Variants in SEMA3D observed in about 807,000 individuals in gnomAD.
SEMA3D encodes the protein semaphorin-3D.
A neutral mutation model predicts 100.1 loss-of-function variants in SEMA3D; 84 were observed. That is an observed-to-expected ratio of 0.84 (90% CI 0.70 to 1.01). The LOEUF is 1.01. Ranked by LOEUF, SEMA3D falls within the 50% of genes least tolerant of loss-of-function variation. SEMA3D has a pLI of 0.00. For missense variants in SEMA3D, 875 were observed against 934.1 expected (o/e 0.94, Z 0.82); for synonymous variants, 312 against 320.7 (o/e 0.97, Z 0.29).
At chr7:85,248,763 C>A in the SEMA3D span, among the ~76,000 whole-genome samples, 1 of 151,816 alleles carries the variant, frequency 6.6e-6, no homozygotes, top group Admixed American at 6.6e-5. Context: ...AAATCATATT[C>A]TGGAAAGGGC....
intron 7 of SEMA3D, among the ~76,000 whole-genome samples, chr7:85,066,751 A>G (rs1284257539): frequency 2.0e-5 from 3 of 152,128 alleles, no homozygotes; most frequent in African/African-American, 7.2e-5. Context: ...ACATATCTTT[A>G]AAATTCTGCC....
chr7:85,170,465 G>A (rs1791054279), intron 1 of SEMA3D, among the ~76,000 whole-genome samples: 1 of 151,834 alleles, frequency 6.6e-6, no homozygotes, highest in African/African-American at 2.4e-5. Flanking sequence ...CAATGGGAAG[G>A]TTTGAATCTC....
At chr7:85,140,841 T>C in intron 2 of SEMA3D, 1 of 863,942 alleles carries the variant, frequency 1.2e-6, no homozygotes, top group Non-Finnish European at 1.4e-6. Context: ...GTTTTTCACA[T>C]TCTACCATTA....
At chr7:85,231,232 TTATCG>T in the SEMA3D span, among the ~76,000 whole-genome samples, 1 of 152,130 alleles carries the variant, frequency 6.6e-6, no homozygotes, top group African/African-American at 2.4e-5. Context: ...AGCGTCTACT[TTATCG>T]TACGTATCCA....
the SEMA3D span, among the ~76,000 whole-genome samples, chr7:85,206,246 C>T: frequency 0.67 from 101,865 of 151,992 alleles, 34,965 homozygotes; most frequent in East Asian, 0.92. Flanking sequence ...TTCCTTCTCC[C>T]TTCTATTCTC....
chr7:85,011,598 G>A (rs1268740095), intron 17 of SEMA3D, among the ~76,000 whole-genome samples: 1 of 151,502 alleles, frequency 6.6e-6, no homozygotes, highest in Non-Finnish European at 1.5e-5. Flanking sequence ...TGTTTTCTTT[G>A]TTGTTCATTG....
At chr7:85,139,501 T>C (rs1171055538) in intron 2 of SEMA3D, among the ~76,000 whole-genome samples, 1 of 152,082 alleles carries the variant, frequency 6.6e-6, no homozygotes, top group African/African-American at 2.4e-5. Flanking sequence ...CTGAAATCCA[T>C]GTAATAATAT....
intron 5 of SEMA3D, among the ~76,000 whole-genome samples, chr7:85,076,260 G>C (rs6974210): frequency 0.16 from 24,253 of 152,070 alleles, 2,139 homozygotes; most frequent in African/African-American, 0.23. Flanking sequence ...AAAGAAAAAG[G>C]GAAGAGGGGG....
In SEMA3D at chr7:84,997,231, A is replaced by G. The variant is rs192953643; in HGVS notation, c.*2209T>C. 1 of 152,084 alleles carries G rather than the reference A, an allele frequency of 6.6e-6. No homozygotes were observed. Among genetic ancestry groups the G allele is most frequent in the African/African-American group, 2.4e-5 (1 of 41,458 alleles). The allele number at this position is 152,084 out of a possible 1,614,324, so 9.4% of individuals were successfully genotyped here. On this transcript the variant is annotated 3_prime_UTR_variant, in exon 19 of 19. Transcript: ENST00000284136. ...AAATTTATTTTCATAAGTCAATCCT[A>G]ACACTTGAGCTTCATGTAAATTTTC...
At chr7:85,074,962 G>A (rs913385503) in intron 5 of SEMA3D, among the ~76,000 whole-genome samples, 2 of 152,140 alleles carry the variant, frequency 1.3e-5, no homozygotes, top group African/African-American at 2.4e-5. Context: ...AAAGTAATAT[G>A]AGAAAAGATA....
chr7:85,221,945 T>A, the SEMA3D span, among the ~76,000 whole-genome samples: 1 of 152,066 alleles, frequency 6.6e-6, no homozygotes, highest in Non-Finnish European at 1.5e-5. Context: ...GCAAGTCTTT[T>A]AGGAAGGCAA....
chr7:85,014,972 T>C, intron 16 of SEMA3D, 87 bp downstream of exon 16: 1 of 963,084 alleles, frequency 1.0e-6, no homozygotes, highest in Non-Finnish European at 1.5e-6. Context: ...TATTTTCTCT[T>C]TAACTTAAAC....
the SEMA3D span, among the ~76,000 whole-genome samples, chr7:85,216,385 G>A: frequency 3.2e-4 from 48 of 151,120 alleles, no homozygotes; most frequent in African/African-American, 1.1e-3. Flanking sequence ...GTGTGTGTGT[G>A]TGTGAAAAAA....
At chr7:85,069,312 C>T (rs1477202106) in intron 6 of SEMA3D, among the ~76,000 whole-genome samples, 1 of 152,100 alleles carries the variant, frequency 6.6e-6, no homozygotes, top group East Asian at 1.9e-4. Flanking sequence ...CCAATAGTAA[C>T]TATTGCCTCA....
chr7:85,058,666 T>C (rs1791391095), intron 8 of SEMA3D, among the ~76,000 whole-genome samples: 1 of 147,112 alleles, frequency 6.8e-6, no homozygotes, highest in Admixed American at 7.0e-5. Flanking sequence ...GAGAATGGCC[T>C]GAACCCGGGA....
At chr7:85,091,182 G>A (rs915935676) in intron 4 of SEMA3D, among the ~76,000 whole-genome samples, 1 of 143,714 alleles carries the variant, frequency 7.0e-6, no homozygotes, top group South Asian at 2.4e-4. Flanking sequence ...AAGAAGGAAG[G>A]AAGGAAGAGA....
At chr7:85,121,218 TCAAA>T (rs1789405093) in intron 3 of SEMA3D, among the ~76,000 whole-genome samples, 2 of 152,196 alleles carry the variant, frequency 1.3e-5, no homozygotes, top group South Asian at 4.1e-4. Context: ...TGCTTTTATA[TCAAA>T]CATTTAAAAA....
chr7:85,104,594 C>T (rs1426724517), intron 3 of SEMA3D, among the ~76,000 whole-genome samples: 1 of 151,832 alleles, frequency 6.6e-6, no homozygotes, highest in Admixed American at 6.6e-5. Context: ...CCTCTTCACC[C>T]CAGAAAGGAA....
intron 1 of SEMA3D, among the ~76,000 whole-genome samples, chr7:85,162,821 G>A (rs1426003894): frequency 1.3e-5 from 2 of 152,160 alleles, no homozygotes; most frequent in African/African-American, 4.8e-5. Context: ...CTGCAGAACA[G>A]AAGGTTCCAG....
Sources: gnomAD v4.1 joint callset for allele counts (sites outside exome capture counted in the v4.1 genomes callset) on GRCh38, gnomAD v4.1.1 for gene constraint, MANE v1.5 for transcripts, NCBI Gene and HGNC (gene_info 2026-07-23, HGNC 2026-07-21) for gene names.